Variants in AGBL4 observed in about 807,000 individuals in gnomAD.
AGBL4 encodes the protein cytosolic carboxypeptidase 6.
AGBL4 carries 58 observed loss-of-function variants against 66.4 expected under a neutral mutation model. That is an observed-to-expected ratio of 0.87 (90% CI 0.71 to 1.09). AGBL4 has a LOEUF of 1.09. AGBL4 is among the 50% of genes least tolerant of loss of function. AGBL4 has a pLI of 0.00. For missense variants in AGBL4, 579 were observed against 631.0 expected (o/e 0.92, Z 0.88); for synonymous variants, 234 against 222.9 (o/e 1.05, Z -0.44).
At chr1:48,887,829 T>C (rs1394485140) in intron 5 of AGBL4, among the ~76,000 whole-genome samples, 1 of 152,194 alleles carries the variant, frequency 6.6e-6, no homozygotes, top group East Asian at 1.9e-4. Context: ...ATCACCAGTA[T>C]CTGTAACTGT....
At chr1:48,749,880 T>G (rs941640897) in intron 6 of AGBL4, among the ~76,000 whole-genome samples, 1 of 152,162 alleles carries the variant, frequency 6.6e-6, no homozygotes, top group African/African-American at 2.4e-5. Flanking sequence ...ATGTATTCAA[T>G]GCATGTAAAA....
rs575041541 is a variant in AGBL4 at position 49,658,556 on chromosome 1, C to T, written c.282+38757G>A. ...TCATGCTGCTATAAAGACACATGCA[C>T]ACATATGTTTATTGTGGCACTACTC... is the stretch of plus-strand genomic sequence containing the variant. On this transcript the variant is annotated intron_variant, in intron 3 of 13. Transcript: ENST00000371839. Among the ~76,000 whole-genome samples, 753 of 152,228 alleles carry T rather than the reference C, an allele frequency of 4.9e-3. 9 individuals are homozygous for T. The highest frequency in any genetic ancestry group is 0.017 in the African/African-American group (698 of 41,538).
chr1:48,670,602 T>C (rs570218170), intron 6 of AGBL4, among the ~76,000 whole-genome samples: 183 of 152,386 alleles, frequency 1.2e-3, no homozygotes, highest in African/African-American at 4.4e-3. Flanking sequence ...CTCTGTGGGC[T>C]CTGGCAGTTT....
intron 3 of AGBL4, among the ~76,000 whole-genome samples, chr1:49,629,210 T>A (rs1645522717): frequency 6.6e-6 from 1 of 152,218 alleles, no homozygotes; most frequent in Non-Finnish European, 1.5e-5. Context: ...CAGAGTTGAA[T>A]AGCTGTGACG....
chr1:49,244,086 G>T (rs776249898), intron 4 of AGBL4, among the ~76,000 whole-genome samples: 1 of 151,720 alleles, frequency 6.6e-6, no homozygotes, highest in Non-Finnish European at 1.5e-5. Flanking sequence ...GAAGCAAAGT[G>T]AAATAATTAA....
chr1:48,935,231 G>A (rs2148907798), intron 5 of AGBL4, among the ~76,000 whole-genome samples: 1 of 152,168 alleles, frequency 6.6e-6, no homozygotes, highest in Non-Finnish European at 1.5e-5. Flanking sequence ...ATTTCCATTG[G>A]CTATGGATAT....
intron 1 of AGBL4, among the ~76,000 whole-genome samples, chr1:49,880,537 G>C (rs1256178409): frequency 6.6e-6 from 1 of 152,046 alleles, no homozygotes; most frequent in Non-Finnish European, 1.5e-5. Flanking sequence ...CCAGCTGCGT[G>C]CTGGGAGAAC....
chr1:49,561,423 C>A (rs1644040572), intron 3 of AGBL4, among the ~76,000 whole-genome samples: 2 of 151,752 alleles, frequency 1.3e-5, no homozygotes, highest in Admixed American at 1.3e-4. Flanking sequence ...CGTCATTTAG[C>A]ATTAGGTGTA....
At chr1:49,740,008 A>C (rs563012355) in intron 2 of AGBL4, among the ~76,000 whole-genome samples, 18 of 152,324 alleles carry the variant, frequency 1.2e-4, no homozygotes, top group African/African-American at 4.1e-4. Context: ...CAAGCAAAAT[A>C]ACCAGCTAAC....
At chr1:49,196,245 G>T (rs1413243346) in intron 4 of AGBL4, among the ~76,000 whole-genome samples, 16 of 151,818 alleles carry the variant, frequency 1.1e-4, no homozygotes. Flanking sequence ...TTAAAATTTT[G>T]TATGACTGGA....
intron 6 of AGBL4, among the ~76,000 whole-genome samples, chr1:48,812,965 T>G (rs1236368225): frequency 2.7e-4 from 37 of 137,058 alleles, no homozygotes; most frequent in African/African-American, 4.7e-4. Flanking sequence ...TGTTGTGGGG[T>G]GGGGGGAGAG....
chr1:49,504,211 G>A lies in AGBL4; in HGVS notation c.282+193102C>T, dbSNP rs550123014. On this transcript the variant is annotated intron_variant, in intron 3 of 13. Transcript: ENST00000371839. ...CACTCACTTCGTCCTTTCACCCTAT[G>A]TAGAAGGAGCCTTCTTCTTCGCCTT... Among the ~76,000 whole-genome samples the A allele has an allele frequency of 2.6e-5, 4 of 152,160 alleles. No individual in the cohort carries two copies. The South Asian group carries it at 8.3e-4, about 32-fold the overall frequency.
chr1:50,003,644 T>C (rs1557653748), intron 1 of AGBL4, among the ~76,000 whole-genome samples: 1 of 151,866 alleles, frequency 6.6e-6, no homozygotes, highest in African/African-American at 2.4e-5. Flanking sequence ...AGAGAGACAA[T>C]AGCCAAGTAA....
chr1:49,203,585 T>TA (rs1235465444), intron 4 of AGBL4, among the ~76,000 whole-genome samples: 2 of 152,142 alleles, frequency 1.3e-5, no homozygotes, highest in African/African-American at 4.8e-5. Flanking sequence ...ATAGATAATA[T>TA]AATGATGGTT....
chr1:49,280,335 T>C lies in AGBL4; in HGVS notation c.283-34471A>G, dbSNP rs144499535. Among the ~76,000 whole-genome samples the C allele has an allele frequency of 1.3e-3, 192 of 152,346 alleles. 2 individuals carry two copies. In the Middle Eastern group the frequency reaches 0.017, roughly 13 times the overall value. ...CCTAAATGTTGTGGCCATTTTTGTGTCAGTTAAACTGTTTCTTTACTGCAA... is the reference window on the plus strand; with the variant it reads ...CCTAAATGTTGTGGCCATTTTTGTGCCAGTTAAACTGTTTCTTTACTGCAA... On this transcript the variant is annotated intron_variant, in intron 3 of 13. Coordinates refer to ENST00000371839, the MANE Select transcript of AGBL4 (RefSeq NM_032785.4).
intron 3 of AGBL4, among the ~76,000 whole-genome samples, chr1:49,501,079 C>A (rs1477282771): frequency 2.6e-5 from 4 of 151,960 alleles, no homozygotes; most frequent in African/African-American, 9.7e-5. Flanking sequence ...TTGTAGAGAT[C>A]TTTCACCTTC....
chr1:48,844,794 T>C (rs2148800399), intron 6 of AGBL4, among the ~76,000 whole-genome samples: 1 of 152,358 alleles, frequency 6.6e-6, no homozygotes, highest in Middle Eastern at 3.4e-3. Flanking sequence ...TATGCATTTC[T>C]CATTTATACC....
chr1:49,731,558 A>G (rs1479375643), intron 2 of AGBL4, among the ~76,000 whole-genome samples: 1 of 152,210 alleles, frequency 6.6e-6, no homozygotes, highest in Non-Finnish European at 1.5e-5. Context: ...AGGAAAAAAT[A>G]AAGAGTCATG....
intron 6 of AGBL4, among the ~76,000 whole-genome samples, chr1:48,790,813 G>A (rs569030400): frequency 5.5e-4 from 84 of 152,274 alleles, no homozygotes; most frequent in Non-Finnish European, 1.0e-3. Flanking sequence ...TGAGCTGGGC[G>A]CAGTGGCACA....
Sources: gnomAD v4.1 joint callset for allele counts (sites outside exome capture counted in the v4.1 genomes callset) on GRCh38, gnomAD v4.1.1 for gene constraint, MANE v1.5 for transcripts, NCBI Gene and HGNC (gene_info 2026-07-23, HGNC 2026-07-21) for gene names.